Variants in GRID2 observed in about 807,000 individuals in gnomAD.
The protein encoded by GRID2 is glutamate receptor ionotropic, delta-2.
Under a neutral mutation model 114.8 loss-of-function variants are expected in GRID2, and 33 were observed. The observed-to-expected ratio is 0.29, with a 90% CI of 0.22 to 0.38. The LOEUF (loss-of-function observed/expected upper bound fraction) is 0.38. Ranked by LOEUF, GRID2 falls within the 10% of genes least tolerant of loss-of-function variation. The pLI is 1.00. For synonymous variants in GRID2, 505 were observed against 449.9 expected, an observed-to-expected ratio of 1.12 and a Z score of -1.55; for missense variants, 1,184 against 1,257.7, an observed-to-expected ratio of 0.94 and a Z score of 0.89.
intron 2 of GRID2, among the ~76,000 whole-genome samples, chr4:92,592,116 A>G (rs1372254236): frequency 2.0e-5 from 3 of 152,088 alleles, no homozygotes; most frequent in Admixed American, 2.0e-4. Context: ...AAATCATTTT[A>G]AAGATATATT....
intron 14 of GRID2, among the ~76,000 whole-genome samples, chr4:93,732,286 C>T (rs1047130057): frequency 6.6e-6 from 1 of 152,112 alleles, no homozygotes; most frequent in Non-Finnish European, 1.5e-5. Context: ...AAAGGCTTTT[C>T]CTAGTACTAA....
At chr4:93,613,464 TGATGGTGATGTACA>T (rs1352002146) in intron 13 of GRID2, among the ~76,000 whole-genome samples, 2 of 92,270 alleles carry the variant, frequency 2.2e-5, no homozygotes, top group African/African-American at 8.4e-5. Flanking sequence ...TGGTCTTTGA[TGATGGTGATGTACA>T]GATGGGTTTT....
In GRID2 at chr4:92,681,008, A is replaced by G. The variant is rs183650037; in HGVS notation, c.244+90722A>G. 1.3e-3 allele frequency among the ~76,000 whole-genome samples: 199 copies of G among 152,300 alleles called. 1 individual carries two copies. The highest frequency in any genetic ancestry group is 4.6e-3 in the African/African-American group (193 of 41,566). Reference sequence around the variant, plus strand: ...AAAGTAATTTTCTTAAGAAATACCTATATTTAAAGAATAAAAGAAATTTGA... The same window carrying G: ...AAAGTAATTTTCTTAAGAAATACCTGTATTTAAAGAATAAAAGAAATTTGA... On this transcript the variant is annotated intron_variant, in intron 2 of 15. Transcript: ENST00000282020.
At chr4:93,291,345 AG>A (rs1247141807) in intron 8 of GRID2, among the ~76,000 whole-genome samples, 1 of 152,172 alleles carries the variant, frequency 6.6e-6, no homozygotes, top group African/African-American at 2.4e-5. Context: ...GCCATGTAAT[AG>A]GGGTTTAGTT....
intron 2 of GRID2, among the ~76,000 whole-genome samples, chr4:92,651,606 A>G (rs1731937948): frequency 6.6e-6 from 1 of 152,076 alleles, no homozygotes; most frequent in African/African-American, 2.4e-5. Context: ...CAGTCCACAT[A>G]CTTCCTCCCC....
chr4:93,636,398 A>T (rs1477092533), intron 14 of GRID2, among the ~76,000 whole-genome samples: 1 of 152,024 alleles, frequency 6.6e-6, no homozygotes, highest in East Asian at 1.9e-4. Context: ...TTAAAACCAC[A>T]AATTTACACT....
At chr4:92,713,653 G>A (rs981747026) in intron 2 of GRID2, among the ~76,000 whole-genome samples, 1 of 151,516 alleles carries the variant, frequency 6.6e-6, no homozygotes, top group African/African-American at 2.4e-5. Context: ...TGTGGCTGGG[G>A]AGGCCTCACA....
chr4:92,316,601 A>G lies in GRID2; in HGVS notation c.88+11857A>G, dbSNP rs6820572. ...ATCATTGAAACAAGACACGTTTCAT[A>G]TCCTTAGAACTTTCAGGAGTATCTG... On this transcript the variant is annotated intron_variant, in intron 1 of 15. Transcript: ENST00000282020. Among the ~76,000 whole-genome samples, 1,300 of 152,266 alleles carry G rather than the reference A, an allele frequency of 8.5e-3. 20 individuals carry two copies. Among genetic ancestry groups the G allele is most frequent in the African/African-American group, 0.03 (1,239 of 41,534 alleles).
At chr4:93,584,555 C>T (rs1045322684) in intron 13 of GRID2, among the ~76,000 whole-genome samples, 1 of 151,912 alleles carries the variant, frequency 6.6e-6, no homozygotes, top group Non-Finnish European at 1.5e-5. Flanking sequence ...TAAATTTATT[C>T]TCTTTTTGTA....
chr4:93,671,857 T>A (rs1245839134), intron 14 of GRID2, among the ~76,000 whole-genome samples: 3 of 151,696 alleles, frequency 2.0e-5, no homozygotes, highest in Non-Finnish European at 4.4e-5. Context: ...ATGACTGTAG[T>A]CCCAGATACT....
chr4:93,116,920 C>G (rs879826364), intron 4 of GRID2, among the ~76,000 whole-genome samples: 2 of 151,998 alleles, frequency 1.3e-5, no homozygotes, highest in African/African-American at 2.4e-5. Context: ...GGACCAAACT[C>G]TGTATTTCCC....
chr4:93,042,426 A>G (rs1298375538), intron 2 of GRID2, among the ~76,000 whole-genome samples: 1 of 148,388 alleles, frequency 6.7e-6, no homozygotes, highest in African/African-American at 2.5e-5. Context: ...ATGTATATAT[A>G]TTACATATCT....
At chr4:93,678,178 T>C (rs368476277) in intron 14 of GRID2, among the ~76,000 whole-genome samples, 1 of 151,776 alleles carries the variant, frequency 6.6e-6, no homozygotes, top group African/African-American at 2.4e-5. Flanking sequence ...AGGGTATCAG[T>C]GATGGAAGAT....
rs60017147 is a variant in GRID2, at chr4:93,126,584, C to CTTTTT, written c.735+15658_735+15662dup. ...GACAGTCATTGATAACTATTTAATTCTTTTTTTTTTTTTTTTTTTTTTTTT... is the reference window on the plus strand; with the variant it reads ...GACAGTCATTGATAACTATTTAATTCTTTTTTTTTTTTTTTTTTTTTTTTTTTTTT... On this transcript the variant is annotated intron_variant, in intron 4 of 15. Transcript: ENST00000282020. Among the ~76,000 whole-genome samples, 450 of 52,778 alleles carry CTTTTT rather than the reference C, an allele frequency of 8.5e-3. 48 individuals are homozygous for CTTTTT. The highest frequency in any genetic ancestry group is 0.013 in the East Asian group (20 of 1,486). 34.6% of individuals were successfully genotyped at this position (52,778 alleles called of 152,430 possible). A position where few individuals can be genotyped will look rare whatever the true frequency, so the allele number is the denominator to read the frequency against.
chr4:93,626,358 T>C lies in GRID2; in HGVS notation c.2283T>C (p.Ile761=), dbSNP rs751268804. ...ACCCAGATTGTTCCTTTTACACCATTGGAAATACTGTTGCTGATCGGGGAT... is the reference window on the plus strand; with the variant it reads ...ACCCAGATTGTTCCTTTTACACCATCGGAAATACTGTTGCTGATCGGGGAT... The part of the protein sequence containing the change: ...INDPDCSFYT[I]GNTVADRGYG... The change falls in exon 14 of 16, where the codon ATT becomes ATC. Residue 761 remains isoleucine, a synonymous_variant. Transcript: ENST00000282020. 1.2e-6 allele frequency: 2 copies of C among 1,607,428 alleles called. No individual in the cohort carries two copies. The highest frequency in any genetic ancestry group is 1.7e-4 in the Middle Eastern group (1 of 6,040).
intron 1 of GRID2, among the ~76,000 whole-genome samples, chr4:92,425,121 T>C (rs954336189): frequency 2.0e-5 from 3 of 152,022 alleles, no homozygotes; most frequent in Non-Finnish European, 4.4e-5. Flanking sequence ...TTATTTCAAA[T>C]AGTTTAAATA....
intron 5 of GRID2, among the ~76,000 whole-genome samples, chr4:93,211,488 TAAAC>T (rs1288955944): frequency 6.6e-6 from 1 of 152,102 alleles, no homozygotes; most frequent in East Asian, 1.9e-4. Context: ...AACATCCATA[TAAAC>T]AAAGCAATCT....
intron 1 of GRID2, among the ~76,000 whole-genome samples, chr4:92,551,196 ATAG>A (rs1726566824): frequency 6.6e-6 from 1 of 152,136 alleles, no homozygotes; most frequent in Admixed American, 6.6e-5. Context: ...ATTCCAACAA[ATAG>A]TAGACTGGAA....
chr4:92,716,517 T>C (rs966354214), intron 2 of GRID2, among the ~76,000 whole-genome samples: 12 of 152,326 alleles, frequency 7.9e-5, no homozygotes, highest in Non-Finnish European at 1.5e-4. Context: ...TTTGGTGATA[T>C]AAGACCCTCA....
Sources: allele counts gnomAD v4.1 joint callset (sites outside exome capture counted in the v4.1 genomes callset), GRCh38; gene constraint gnomAD v4.1.1; transcripts MANE v1.5; gene names NCBI Gene and HGNC (gene_info 2026-07-23, HGNC 2026-07-21).